EIF3M: variants seen among roughly 807,000 people sequenced by gnomAD.
The protein encoded by EIF3M is eukaryotic translation initiation factor 3 subunit M.
In EIF3M, 25 loss-of-function variants were observed where a neutral mutation model predicts 49.7. The ratio of observed to expected loss-of-function variants is 0.50; its 90% CI spans 0.37 to 0.70. EIF3M has a LOEUF of 0.70. Among genes scored for constraint, EIF3M ranks in the 30% least tolerant of loss-of-function variants. The pLI, the probability that EIF3M is intolerant of heterozygous loss-of-function variation, is 0.00. For missense variants in EIF3M, 350 were observed against 440.0 expected (o/e 0.80, Z 1.83); for synonymous variants, 156 against 149.8 (o/e 1.04, Z -0.30).
Position 32,588,998 on chromosome 11 carries a change from T to C in EIF3M, c.315-14T>C. ...TGATTTCAAACATTGTTTATTTGTT[T>C]GTTAACCAACCAGGTTAAGCAACCT... is the stretch of plus-strand genomic sequence containing the variant. On this transcript the variant is annotated splice_polypyrimidine_tract_variant and intron_variant, in intron 3 of 10. Coordinates refer to ENST00000531120, the MANE Select transcript of EIF3M (RefSeq NM_006360.6). 5 of 1,611,808 alleles carry C rather than the reference T, an allele frequency of 3.1e-6. No individual in the cohort carries two copies. The highest frequency in any genetic ancestry group is 4.2e-6 in the Non-Finnish European group (5 of 1,179,554).
Position 32,593,722 on chromosome 11 carries a change from T to C in EIF3M, c.534-144T>C, listed in dbSNP as rs184083605. 261 of 447,426 alleles carry C rather than the reference T, an allele frequency of 5.8e-4. 1 individual carries two copies. Among genetic ancestry groups the C allele is most frequent in the African/African-American group, 4.7e-3 (234 of 49,480 alleles). The allele number at this position is 447,426 out of a possible 1,614,324, so 27.7% of individuals were successfully genotyped here. A position where few individuals can be genotyped will look rare whatever the true frequency, so the allele number is the denominator to read the frequency against. On this transcript the variant is annotated intron_variant, in intron 5 of 10. Coordinates refer to ENST00000531120, the MANE Select transcript of EIF3M (RefSeq NM_006360.6). ...CATCTTTCCTACTAAAAGGAAGGTTTTATGACTTTTCCCATAGACAGGGAC... is the reference window on the plus strand; with the variant it reads ...CATCTTTCCTACTAAAAGGAAGGTTCTATGACTTTTCCCATAGACAGGGAC...
intron 5 of EIF3M, among the ~76,000 whole-genome samples, chr11:32,591,305 A>G (rs923844802): frequency 1.3e-5 from 2 of 152,244 alleles, no homozygotes; most frequent in Non-Finnish European, 2.9e-5. Flanking sequence ...CTGTGCTTAC[A>G]GTGTGGCACA....
chr11:32,591,331 A>C (rs1267505768), intron 5 of EIF3M, among the ~76,000 whole-genome samples: 1 of 152,244 alleles, frequency 6.6e-6, no homozygotes, highest in African/African-American at 2.4e-5. Flanking sequence ...ACTAATGAGT[A>C]AGATGTGGTT....
intron 5 of EIF3M, among the ~76,000 whole-genome samples, chr11:32,593,421 G>T (rs1014268838): frequency 6.6e-6 from 1 of 152,100 alleles, no homozygotes; most frequent in Non-Finnish European, 1.5e-5. Flanking sequence ...CAGTTTCTGG[G>T]ACACAAAACT....
In EIF3M at chr11:32,594,954, T is replaced by G; in HGVS notation, c.658T>G (p.Phe220Val). ...ATTGAAAGATCCAAATGCATTTCTT[T>G]TTGACCACCTTCTTACTTTAAAACC... ...RALKDPNAFL[F>V]DHLLTLKPVK... The change falls in exon 7 of 11, where the codon TTT (phenylalanine) becomes GTT (valine). Residue 220 changes from phenylalanine to valine, a missense_variant. Coordinates refer to ENST00000531120, the MANE Select transcript of EIF3M (RefSeq NM_006360.6). 6.2e-7 allele frequency: 1 copy of G among 1,613,818 alleles called. No individual in the cohort carries two copies. Among genetic ancestry groups the G allele is most frequent in the Non-Finnish European group, 8.5e-7 (1 of 1,179,866 alleles).
Position 32,602,581 on chromosome 11 carries a change from A to G in EIF3M, c.*182A>G. The G allele has an allele frequency of 2.4e-6, 2 of 816,790 alleles. No individual in the cohort carries two copies. The highest frequency in any genetic ancestry group is 3.7e-6 in the Non-Finnish European group (2 of 542,874). 50.6% of individuals were successfully genotyped at this position (816,790 alleles called of 1,614,324 possible). ...GGTCACAATGTCTGTCATACAATAC[A>G]TAAATTCTGTTCTTTAAAAAAGGAT... On this transcript the variant is annotated 3_prime_UTR_variant, in exon 11 of 11. Transcript: ENST00000531120.
In EIF3M at chr11:32,602,676, A is replaced by G. The variant is rs1855289008; in HGVS notation, c.*277A>G. 1.2e-6 allele frequency: 1 copy of G among 817,294 alleles called. No homozygotes were observed. Among genetic ancestry groups the G allele is most frequent in the Non-Finnish European group, 1.9e-6 (1 of 533,740 alleles). 50.6% of individuals were successfully genotyped at this position (817,294 alleles called of 1,614,324 possible). Reference sequence around the variant, plus strand: ...GAGAAGACAGAAGTAGAGTAATACAATTTCTTCACATTAGAAAAACTTGGA... The same window carrying G: ...GAGAAGACAGAAGTAGAGTAATACAGTTTCTTCACATTAGAAAAACTTGGA... On this transcript the variant is annotated 3_prime_UTR_variant, in exon 11 of 11. Coordinates refer to ENST00000531120, the MANE Select transcript of EIF3M (RefSeq NM_006360.6).
intron 5 of EIF3M, chr11:32,592,256 C>T (rs1855114577): frequency 2.3e-6 from 1 of 433,894 alleles, no homozygotes; most frequent in Non-Finnish European, 4.4e-6. Context: ...GGGCCCTTTT[C>T]ACTTCACTAA....
intron 8 of EIF3M, among the ~76,000 whole-genome samples, chr11:32,598,747 A>G (rs1246597062): frequency 6.6e-6 from 1 of 152,104 alleles, no homozygotes; most frequent in Non-Finnish European, 1.5e-5. Context: ...TTTCAGGAGT[A>G]TTTAAAATAA....
chr11:32,584,641 C>T (rs1238837543), intron 1 of EIF3M, among the ~76,000 whole-genome samples: 1 of 131,080 alleles, frequency 7.6e-6, no homozygotes, highest in Non-Finnish European at 1.6e-5. Context: ...TCAAAACGCC[C>T]GTATTACTGT....
chr11:32,604,049 AG>A lies in EIF3M; in HGVS notation c.*1651del, dbSNP rs1855312818. 6.6e-6 allele frequency: 1 copy of A among 152,270 alleles called. No homozygotes were observed. Among genetic ancestry groups the A allele is most frequent in the South Asian group, 2.1e-4 (1 of 4,826 alleles). 9.4% of individuals were successfully genotyped at this position (152,270 alleles called of 1,614,324 possible). On this transcript the variant is annotated 3_prime_UTR_variant, in exon 11 of 11. Transcript: ENST00000531120. ...GCCATTGCACTCCAGCCTGGACAAC[AG>A]AGTGAGACCCTCTCTCAAAAATAAA...
At position 32,594,962 on chromosome 11, in the gene EIF3M, CCTT is replaced by C. The variant is rs1200562795; in HGVS notation, c.670_672del (p.Leu224del). 1 of 1,613,574 alleles carries C rather than the reference CCTT, an allele frequency of 6.2e-7. No individual in the cohort carries two copies. The highest frequency in any genetic ancestry group is 8.5e-7 in the Non-Finnish European group (1 of 1,179,758). ...ATCCAAATGCATTTCTTTTTGACCA[CCTT>C]CTTACTTTAAAACCAGTCAAGTTTT... On this transcript the variant is annotated inframe_deletion, in exon 7 of 11. Transcript: ENST00000531120.
chr11:32,586,331 A>G (rs1305287845), intron 1 of EIF3M, among the ~76,000 whole-genome samples: 2 of 152,354 alleles, frequency 1.3e-5, no homozygotes, highest in South Asian at 4.1e-4. Flanking sequence ...ATTCGGTAGT[A>G]GGGTAGGAAA....
Position 32,603,216 on chromosome 11 carries a change from A to T in EIF3M, c.*817A>T. On this transcript the variant is annotated 3_prime_UTR_variant, in exon 11 of 11. Transcript: ENST00000531120. ...TATGTAGTAGATCTTCAAAATCTCT[A>T]ATATATAACTGAAGTAAAGTGTACA... 2.0e-6 allele frequency: 1 copy of T among 491,134 alleles called. No individual in the cohort carries two copies. Among genetic ancestry groups the T allele is most frequent in the Non-Finnish European group, 3.6e-6 (1 of 281,396 alleles). The allele number at this position is 491,134 out of a possible 1,614,324, so 30.4% of individuals were successfully genotyped here. A position where few individuals can be genotyped will look rare whatever the true frequency, so the allele number is the denominator to read the frequency against.
At position 32,587,079 on chromosome 11, in the gene EIF3M, G is replaced by T. The variant is rs1490907350; in HGVS notation, c.110G>T (p.Gly37Val). 4 of 1,612,894 alleles carry T rather than the reference G, an allele frequency of 2.5e-6. No homozygotes were observed. The highest frequency in any genetic ancestry group is 1.7e-6 in the Non-Finnish European group (2 of 1,179,064). The change falls in exon 2 of 11, where the codon GGA (glycine) becomes GTA (valine). Residue 37 changes from glycine (G) to valine (V), a missense_variant. Gly to Val is a moderately radical substitution (Grantham distance 109). Coordinates refer to ENST00000531120, the MANE Select transcript of EIF3M (RefSeq NM_006360.6). ...ATTTCAGAAGAGAACTCGGAAGGTGGACTTCATGTTGATTTAGCTCAAATT... is the reference window on the plus strand; with the variant it reads ...ATTTCAGAAGAGAACTCGGAAGGTGTACTTCATGTTGATTTAGCTCAAATT... ...AEISEENSEGGLHVDLAQIIE... is the reference protein window; with the variant it reads ...AEISEENSEGVLHVDLAQIIE...
chr11:32,600,924 C>T (rs1368772103), intron 9 of EIF3M, 92 bp downstream of exon 9: 2 of 1,465,724 alleles, frequency 1.4e-6, no homozygotes, highest in Admixed American at 2.3e-5. Flanking sequence ...CTGAGCCTTA[C>T]ACAACAAAGA....
chr11:32,589,526 C>G (rs749951116), intron 4 of EIF3M, 21 bp from the exon 5 acceptor site: 1 of 1,601,708 alleles, frequency 6.2e-7, no homozygotes, highest in South Asian at 1.1e-5. Context: ...TCAGTTTTCT[C>G]CTTTTGTCAA....
At chr11:32,588,819 A>G (rs1404586275) in intron 3 of EIF3M, 87 bp downstream of exon 3, 3 of 1,581,584 alleles carry the variant, frequency 1.9e-6, no homozygotes, top group South Asian at 2.3e-5. Flanking sequence ...GGAATTCTGG[A>G]ACTTGACTCT....
At chr11:32,601,507 A>ATT (rs1483651701) in intron 9 of EIF3M, 1 of 225,828 alleles carries the variant, frequency 4.4e-6, no homozygotes, top group South Asian at 1.3e-4. Flanking sequence ...TCTTTAAAAA[A>ATT]AAAAAAAAAA....
Sources: gnomAD v4.1 joint callset for allele counts (sites outside exome capture counted in the v4.1 genomes callset) on GRCh38, gnomAD v4.1.1 for gene constraint, MANE v1.5 for transcripts, NCBI Gene and HGNC (gene_info 2026-07-23, HGNC 2026-07-21) for gene names.